Variants in CHD9 observed in about 807,000 individuals in gnomAD.
The protein encoded by CHD9 is ATP-dependent chromatin remodeler CHD9.
In CHD9, 77 loss-of-function variants were observed where a neutral mutation model predicts 316.1. The ratio of observed to expected loss-of-function variants is 0.24; its 90% CI spans 0.20 to 0.29. The LOEUF (loss-of-function observed/expected upper bound fraction) is 0.29. CHD9 is among the 10% of genes least tolerant of loss of function. The pLI, the probability that CHD9 is intolerant of heterozygous loss-of-function variation, is 1.00. For synonymous variants in CHD9, 1,129 were observed against 1,158.3 expected (o/e 0.97, Z 0.51); for missense variants, 2,763 against 3,438.1 (o/e 0.80, Z 4.91).
chr16:53,165,811 AG>A (rs1277540096), intron 2 of CHD9, among the ~76,000 whole-genome samples: 1 of 152,124 alleles, frequency 6.6e-6, no homozygotes, highest in Non-Finnish European at 1.5e-5. Flanking sequence ...AAGTCAAAAA[AG>A]CATCAGATGT....
In CHD9 at chr16:53,126,741, C is replaced by T. The variant is rs548084949; in HGVS notation, c.-164-29185C>T. Among the ~76,000 whole-genome samples the T allele has an allele frequency of 5.3e-5, 8 of 151,672 alleles. No homozygotes were observed. The East Asian group carries it at 7.8e-4, about 15-fold the overall frequency. ...TCACCCAGGCTGGAATGCAGTAGCA[C>T]GATCTCGGCTCACTGCAACCTCCGC... On this transcript the variant is annotated intron_variant, in intron 1 of 38. Transcript: ENST00000447540.
intron 1 of CHD9, among the ~76,000 whole-genome samples, chr16:53,136,353 G>C (rs974108442): frequency 6.6e-6 from 1 of 152,208 alleles, no homozygotes; most frequent in East Asian, 1.9e-4. Flanking sequence ...ATCAGTAGCA[G>C]TATAAAGAAT....
intron 32 of CHD9, among the ~76,000 whole-genome samples, chr16:53,307,479 A>G (rs1025765419): frequency 2.0e-5 from 3 of 152,094 alleles, no homozygotes; most frequent in African/African-American, 7.2e-5. Flanking sequence ...TTATGGTATA[A>G]TATTTTTGAA....
intron 2 of CHD9, among the ~76,000 whole-genome samples, chr16:53,200,748 T>C (rs935003372): frequency 2.6e-5 from 4 of 152,128 alleles, no homozygotes; most frequent in Admixed American, 1.3e-4. Context: ...AAATATGTAT[T>C]AATTATAAAA....
chr16:53,203,151 TTAAG>T (rs1401192724), intron 2 of CHD9, among the ~76,000 whole-genome samples: 2 of 152,302 alleles, frequency 1.3e-5, no homozygotes, highest in Admixed American at 6.5e-5. Flanking sequence ...ATATGAATAT[TTAAG>T]TAAATAATTA....
At chr16:53,146,615 T>G (rs372074060) in intron 1 of CHD9, among the ~76,000 whole-genome samples, 29 of 149,488 alleles carry the variant, frequency 1.9e-4, no homozygotes, top group African/African-American at 6.2e-4. Context: ...CTGGCCAACA[T>G]AGCAAAACCC....
intron 5 of CHD9, 21 bp downstream of exon 5, chr16:53,226,533 G>T: frequency 6.3e-7 from 1 of 1,585,848 alleles, no homozygotes; most frequent in South Asian, 1.2e-5. Flanking sequence ...TTGGGATTAT[G>T]ACTGCAAAAC....
intron 2 of CHD9, among the ~76,000 whole-genome samples, chr16:53,179,506 A>G (rs1389443913): frequency 6.6e-6 from 1 of 152,190 alleles, no homozygotes; most frequent in African/African-American, 2.4e-5. Flanking sequence ...GTATTTGTCA[A>G]ATTACATTAA....
intron 17 of CHD9, chr16:53,250,789 G>A (rs1479898123): frequency 6.6e-6 from 1 of 151,886 alleles, no homozygotes; most frequent in Non-Finnish European, 1.5e-5. Context: ...ATTCATCATA[G>A]TCTTAATTGC....
chr16:53,206,328 G>C (rs1228943526), intron 2 of CHD9, among the ~76,000 whole-genome samples: 1 of 147,608 alleles, frequency 6.8e-6, no homozygotes, highest in Non-Finnish European at 1.5e-5. Context: ...CCTCTGTCTA[G>C]TTGATTTCTA....
chr16:53,187,040 A>C (rs919226229), intron 2 of CHD9, among the ~76,000 whole-genome samples: 2 of 152,234 alleles, frequency 1.3e-5, no homozygotes, highest in Non-Finnish European at 2.9e-5. Context: ...TCTATGCCAG[A>C]TTAAACGAGT....
intron 1 of CHD9, among the ~76,000 whole-genome samples, chr16:53,114,853 C>T (rs552686080): frequency 6.6e-6 from 1 of 152,322 alleles, no homozygotes; most frequent in East Asian, 1.9e-4. Flanking sequence ...TCCCAAAGTG[C>T]TGGGATTACA....
chr16:53,313,925 C>A (rs1369820753), intron 34 of CHD9, among the ~76,000 whole-genome samples: 5 of 151,114 alleles, frequency 3.3e-5, no homozygotes, highest in African/African-American at 1.2e-4. Context: ...TGCACTCCAG[C>A]CTGGGCGACA....
At chr16:53,158,320 C>T (rs542374819) in intron 2 of CHD9, among the ~76,000 whole-genome samples, 323 of 152,176 alleles carry the variant, frequency 2.1e-3, no homozygotes, top group African/African-American at 7.6e-3. Flanking sequence ...ATTGTAATCA[C>T]GATAGACCAT....
At chr16:53,266,048 A>G (rs2051651346) in intron 20 of CHD9, among the ~76,000 whole-genome samples, 2 of 151,842 alleles carry the variant, frequency 1.3e-5, no homozygotes, top group Admixed American at 1.3e-4. Flanking sequence ...GAAGAATTCC[A>G]TTTAATAAAT....
chr16:53,254,136 G>A (rs749069903), intron 17 of CHD9, among the ~76,000 whole-genome samples: 6 of 152,084 alleles, frequency 3.9e-5, no homozygotes, highest in African/African-American at 4.8e-5. Context: ...AAGATCGCAC[G>A]ACTGCACTCC....
chr16:53,121,512 G>C (rs1250372918), intron 1 of CHD9: 1 of 443,166 alleles, frequency 2.3e-6, no homozygotes, highest in Admixed American at 2.5e-5. Flanking sequence ...GTATATTCTA[G>C]CTAAAAGCAG....
At chr16:53,119,467 A>G (rs567790099) in intron 1 of CHD9, among the ~76,000 whole-genome samples, 7 of 152,166 alleles carry the variant, frequency 4.6e-5, no homozygotes, top group Non-Finnish European at 1.0e-4. Flanking sequence ...TGATCCAAGT[A>G]GGAGTATGAA....
Position 53,304,015 on chromosome 16 carries a change from A to G in CHD9, c.6009A>G (p.Gln2003=), listed in dbSNP as rs1287005569. Residue 2003 remains glutamine, a synonymous_variant, in exon 31 of 39, where the codon CAA becomes CAG. Transcript: ENST00000447540. ...SFMAAQRNYS[Q]SKMAHSRTST... is the part of the protein sequence containing the mutation. ...TGGCAGCTCAGAGGAACTACAGTCA[A>G]AGTAAGATGGCTCATTCAAGGACTT... 2.5e-6 allele frequency: 4 copies of G among 1,614,042 alleles called. No individual in the cohort carries two copies. Among genetic ancestry groups the G allele is most frequent in the Non-Finnish European group, 3.4e-6 (4 of 1,179,890 alleles).
Sources: allele counts gnomAD v4.1 joint callset (sites outside exome capture counted in the v4.1 genomes callset), GRCh38; gene constraint gnomAD v4.1.1; transcripts MANE v1.5; gene names NCBI Gene and HGNC (gene_info 2026-07-23, HGNC 2026-07-21).